Variants in HK1 observed in about 807,000 individuals in gnomAD.
HK1 encodes hexokinase-1.
A neutral mutation model predicts 91.6 loss-of-function variants in HK1; 28 were observed. The ratio of observed to expected loss-of-function variants is 0.31; its 90% CI spans 0.23 to 0.42. The LOEUF (loss-of-function observed/expected upper bound fraction) is 0.42, where lower values mean the gene tolerates loss of function less well. HK1 is among the 10% of genes least tolerant of loss of function. The pLI is 1.00. For missense variants in HK1, 770 were observed against 1,219.8 expected (o/e 0.63, Z 5.49); for synonymous variants, 430 against 468.1 (o/e 0.92, Z 1.05).
intron 16 of HK1, among the ~76,000 whole-genome samples, chr10:69,397,913 T>C (rs1840214514): frequency 6.6e-6 from 1 of 152,198 alleles, no homozygotes; most frequent in African/African-American, 2.4e-5. Context: ...GATGCCTTCT[T>C]ATAAAACTGT....
intron 1 of HK1, among the ~76,000 whole-genome samples, chr10:69,280,844 G>A (rs1475130010): frequency 6.6e-6 from 1 of 152,226 alleles, no homozygotes; most frequent in Non-Finnish European, 1.5e-5. Context: ...GAGGGTGGGA[G>A]TGGAATATGA....
At chr10:69,397,300 C>A (rs1301114889) in intron 16 of HK1, among the ~76,000 whole-genome samples, 1 of 152,164 alleles carries the variant, frequency 6.6e-6, no homozygotes. Flanking sequence ...TTCTCCACAT[C>A]CTCGCCAACA....
chr10:69,349,573 T>C (rs1848740315), intron 2 of HK1, among the ~76,000 whole-genome samples: 2 of 152,120 alleles, frequency 1.3e-5, no homozygotes, highest in Non-Finnish European at 2.9e-5. Context: ...ATCTCTGTGA[T>C]GTTACAGGGG....
intron 5 of HK1, chr10:69,300,874 T>C: frequency 5.2e-6 from 7 of 1,346,682 alleles, no homozygotes; most frequent in Non-Finnish European, 7.4e-6. Flanking sequence ...ACGTAGAAAA[T>C]CCTGGAATAC....
At chr10:69,357,940 C>T (rs189904721) in intron 2 of HK1, among the ~76,000 whole-genome samples, 51 of 151,920 alleles carry the variant, frequency 3.4e-4, no homozygotes, top group African/African-American at 1.1e-3. Context: ...TGCATAACTC[C>T]GAATATACTA....
intron 1 of HK1, among the ~76,000 whole-genome samples, chr10:69,281,825 A>G (rs1485531161): frequency 1.3e-5 from 2 of 152,310 alleles, no homozygotes; most frequent in Admixed American, 1.3e-4. Flanking sequence ...GGGAGGAGGA[A>G]GGAAAAAGGT....
chr10:69,292,939 C>T (rs963095801), intron 3 of HK1, among the ~76,000 whole-genome samples: 4 of 152,128 alleles, frequency 2.6e-5, no homozygotes, highest in Non-Finnish European at 4.4e-5. Flanking sequence ...TGGTTGGGAC[C>T]AGGACCCACC....
At chr10:69,339,411 A>G (rs902800594) in intron 1 of HK1, among the ~76,000 whole-genome samples, 11 of 152,226 alleles carry the variant, frequency 7.2e-5, no homozygotes, top group African/African-American at 2.7e-4. Context: ...AGGAGGCCCC[A>G]GTTTCAGTTC....
At chr10:69,393,059 A>G (rs1839975516) in intron 15 of HK1, among the ~76,000 whole-genome samples, 2 of 152,126 alleles carry the variant, frequency 1.3e-5, no homozygotes, top group African/African-American at 4.8e-5. Flanking sequence ...TCGGCTCACC[A>G]CAACCTCCAC....
Position 69,369,207 on chromosome 10 carries a change from G to C in HK1, c.592-30G>C, listed in dbSNP as rs759758290. 5 of 1,530,608 alleles carry C rather than the reference G, an allele frequency of 3.3e-6. No homozygotes were observed. Among genetic ancestry groups the C allele is most frequent in the Admixed American group, 3.3e-5 (2 of 59,856 alleles). The allele number at this position is 1,530,608 out of a possible 1,614,324, so 94.8% of individuals were successfully genotyped here. On this transcript the variant is annotated intron_variant, in intron 5 of 17. Coordinates refer to ENST00000359426, the MANE Select transcript of HK1 (RefSeq NM_000188.3). This position sits in a 1 kb window ranked among gnomAD's most constrained non-coding sequence, Gnocchi z 4.4. The stretch of plus-strand genomic sequence containing the variant: ...GTGATCTCTGCTCCCATGTGTGAGT[G>C]GACAATGACACCCCGTTATCTGTCC...
intron 4 of HK1, among the ~76,000 whole-genome samples, chr10:69,366,537 T>C (rs531955443): frequency 6.6e-6 from 1 of 152,248 alleles, no homozygotes; most frequent in African/African-American, 2.4e-5. Context: ...ATGGCAGGCC[T>C]TGGACCAGGG....
At chr10:69,338,699 G>A (rs1455458984) in intron 1 of HK1, 15 of 1,276,192 alleles carry the variant, frequency 1.2e-5, no homozygotes, top group East Asian at 5.6e-5. Flanking sequence ...GTGTGTGTGT[G>A]TGTGTGTGTG....
chr10:69,376,905 G>T, intron 7 of HK1, 29 bp from the exon 8 acceptor site: 1 of 1,613,844 alleles, frequency 6.2e-7, no homozygotes, highest in South Asian at 1.1e-5. Flanking sequence ...GAGGAAGGCT[G>T]ACAAGTGCCG....
chr10:69,320,222 C>T (rs1846928448), intron 1 of HK1, among the ~76,000 whole-genome samples: 1 of 152,116 alleles, frequency 6.6e-6, no homozygotes, highest in Admixed American at 6.5e-5. Flanking sequence ...TCTCCCAGTG[C>T]CTCCACCCAG....
intron 5 of HK1, among the ~76,000 whole-genome samples, chr10:69,304,794 G>A (rs1230505194): frequency 2.0e-5 from 3 of 152,200 alleles, no homozygotes; most frequent in African/African-American, 2.4e-5. Flanking sequence ...GATAAGCTGA[G>A]CTAGGTGTCC....
At chr10:69,371,962 C>T (rs1177661269) in intron 7 of HK1, among the ~76,000 whole-genome samples, 1 of 152,092 alleles carries the variant, frequency 6.6e-6, no homozygotes, top group African/African-American at 2.4e-5. Context: ...TTCACACTGC[C>T]TATAAAGACA....
At chr10:69,307,498 G>C (rs1846160708) in intron 5 of HK1, among the ~76,000 whole-genome samples, 1 of 152,176 alleles carries the variant, frequency 6.6e-6, no homozygotes, top group Non-Finnish European at 1.5e-5. Context: ...GAGAAATAAG[G>C]ACAATATAGT....
At chr10:69,315,002 C>T (rs1321034876), upstream of HK1, among the ~76,000 whole-genome samples, 1 of 152,032 alleles carries the variant, frequency 6.6e-6, no homozygotes, top group African/African-American at 2.4e-5. Context: ...CAAGAGGATC[C>T]CTTGAGTCCA....
intron 14 of HK1, among the ~76,000 whole-genome samples, chr10:69,390,296 G>C (rs1335387976): frequency 6.6e-6 from 1 of 152,224 alleles, no homozygotes; most frequent in Non-Finnish European, 1.5e-5. Context: ...TGACACAGCA[G>C]CTCTCCTCCT....
Sources: allele counts gnomAD v4.1 joint callset (sites outside exome capture counted in the v4.1 genomes callset), GRCh38; gene constraint gnomAD v4.1.1; non-coding constraint Gnocchi (gnomAD v3.1); transcripts MANE v1.5; gene names NCBI Gene and HGNC (gene_info 2026-07-23, HGNC 2026-07-21).